GPC6: variants seen among roughly 807,000 people sequenced by gnomAD.
GPC6 encodes the protein glypican-6.
GPC6 carries 14 observed loss-of-function variants against 55.2 expected under a neutral mutation model. The observed-to-expected ratio is 0.25, with a 90% CI of 0.17 to 0.40. GPC6 has a LOEUF of 0.40. Ranked by LOEUF, GPC6 falls within the 10% of genes least tolerant of loss-of-function variation. The pLI is 1.00. For synonymous variants in GPC6, 278 were observed against 259.6 expected, an observed-to-expected ratio of 1.07 and a Z score of -0.68; for missense variants, 641 against 708.5, an observed-to-expected ratio of 0.90 and a Z score of 1.08.
Position 94,403,541 on chromosome 13 carries a change from G to T in GPC6, c.*324G>T, listed in dbSNP as rs201560762. 9.4e-5 allele frequency: 24 copies of T among 256,542 alleles called. No individual in the cohort carries two copies. The highest frequency in any genetic ancestry group is 6.9e-4 in the East Asian group (7 of 10,082). The allele number at this position is 256,542 out of a possible 1,614,324, so 15.9% of individuals were successfully genotyped here. On this transcript the variant is annotated 3_prime_UTR_variant, in exon 9 of 9. Transcript: ENST00000377047. ...AGTAAAGGAATCTCACGTTGTGAGGGTTTTTTTTTTCTCATTTAAAATAAA... is the reference window on the plus strand; with the variant it reads ...AGTAAAGGAATCTCACGTTGTGAGGTTTTTTTTTTTCTCATTTAAAATAAA...
chr13:94,310,102 T>G (rs1263312022), intron 6 of GPC6, among the ~76,000 whole-genome samples: 1 of 152,166 alleles, frequency 6.6e-6, no homozygotes, highest in African/African-American at 2.4e-5. Context: ...GTATTTCAAA[T>G]TAGCCTCTGT....
intron 1 of GPC6, among the ~76,000 whole-genome samples, chr13:93,291,121 ATG>A (rs1364096452): frequency 6.6e-6 from 1 of 152,172 alleles, no homozygotes; most frequent in Non-Finnish European, 1.5e-5. Context: ...TATGGCATTG[ATG>A]TAGGTTGAAG....
At chr13:93,852,293 G>C (rs1033844044) in intron 3 of GPC6, among the ~76,000 whole-genome samples, 1 of 151,546 alleles carries the variant, frequency 6.6e-6, no homozygotes, top group African/African-American at 2.4e-5. Context: ...TTTTGGAAAC[G>C]CATACTTTGT....
chr13:93,765,680 T>C (rs910043448), intron 2 of GPC6, among the ~76,000 whole-genome samples: 1 of 152,186 alleles, frequency 6.6e-6, no homozygotes, highest in Admixed American at 6.5e-5. Flanking sequence ...GTAAATTACA[T>C]AGCACCCTAA....
chr13:93,228,554 G>A (rs143469587), intron 1 of GPC6, among the ~76,000 whole-genome samples: 2 of 152,176 alleles, frequency 1.3e-5, no homozygotes, highest in Non-Finnish European at 2.9e-5. Context: ...GGCAGTCTGG[G>A]TGCTTGTTTT....
chr13:94,393,163 C>T (rs1394880784), intron 7 of GPC6, among the ~76,000 whole-genome samples: 1 of 152,188 alleles, frequency 6.6e-6, no homozygotes, highest in Non-Finnish European at 1.5e-5. Context: ...ACCCTTGAAA[C>T]CACATGTGTT....
intron 3 of GPC6, among the ~76,000 whole-genome samples, chr13:93,916,620 T>C (rs1257774200): frequency 2.0e-5 from 3 of 152,158 alleles, no homozygotes; most frequent in African/African-American, 7.2e-5. Flanking sequence ...ACTTCCACTA[T>C]GAAAGCAGAT....
chr13:94,253,096 A>C (rs1891407663), intron 4 of GPC6, among the ~76,000 whole-genome samples: 2 of 152,134 alleles, frequency 1.3e-5, no homozygotes, highest in Admixed American at 6.6e-5. Flanking sequence ...CCTCCTGTGA[A>C]TCTCCAGAGG....
chr13:93,326,733 C>CT (rs1879670960), intron 1 of GPC6, among the ~76,000 whole-genome samples: 1 of 152,148 alleles, frequency 6.6e-6, no homozygotes. Context: ...CCAAACCATA[C>CT]TTTATTTTCA....
At chr13:93,399,414 T>C (rs1875985844) in intron 1 of GPC6, among the ~76,000 whole-genome samples, 1 of 152,238 alleles carries the variant, frequency 6.6e-6, no homozygotes. Flanking sequence ...GCCTAGCATA[T>C]GGCAAGTACT....
intron 3 of GPC6, among the ~76,000 whole-genome samples, chr13:93,978,692 G>C (rs542541155): frequency 9.1e-4 from 138 of 151,824 alleles, no homozygotes; most frequent in South Asian, 2.5e-3. Flanking sequence ...CATGATTCTA[G>C]TCTACAAGGT....
intron 2 of GPC6, among the ~76,000 whole-genome samples, chr13:93,588,367 A>AGTGTGTGT (rs71123497): frequency 1.1e-3 from 170 of 150,496 alleles, no homozygotes; most frequent in African/African-American, 3.8e-3. Context: ...GTGGCTATTA[A>AGTGTGTGT]GTGTGTGTGT....
At chr13:93,282,004 C>T (rs1877967762) in intron 1 of GPC6, among the ~76,000 whole-genome samples, 1 of 152,170 alleles carries the variant, frequency 6.6e-6, no homozygotes, top group East Asian at 1.9e-4. Flanking sequence ...AATTTAGCCT[C>T]TCATTTTCAT....
intron 3 of GPC6, among the ~76,000 whole-genome samples, chr13:93,832,378 A>G (rs917688944): frequency 2.0e-5 from 3 of 151,872 alleles, no homozygotes; most frequent in African/African-American, 7.3e-5. Flanking sequence ...AAACTCAATA[A>G]TAGGATTAGT....
intron 4 of GPC6, among the ~76,000 whole-genome samples, chr13:94,264,162 C>T (rs1277111930): frequency 1.3e-5 from 2 of 152,328 alleles, no homozygotes; most frequent in African/African-American, 4.8e-5. Context: ...TCCCTCTCTA[C>T]CCCCTTGTTG....
At chr13:93,306,663 T>C (rs545196155) in intron 1 of GPC6, among the ~76,000 whole-genome samples, 7 of 152,132 alleles carry the variant, frequency 4.6e-5, no homozygotes, top group Non-Finnish European at 8.8e-5. Flanking sequence ...TGAAATTATC[T>C]GATATTTCAA....
At chr13:94,019,844 T>C (rs1028476266) in intron 3 of GPC6, among the ~76,000 whole-genome samples, 1 of 152,206 alleles carries the variant, frequency 6.6e-6, no homozygotes, top group Non-Finnish European at 1.5e-5. Flanking sequence ...CATCTTTATC[T>C]CTGTAAGATT....
chr13:93,584,555 A>G (rs148414874), intron 2 of GPC6, among the ~76,000 whole-genome samples: 2 of 152,294 alleles, frequency 1.3e-5, no homozygotes, highest in Non-Finnish European at 2.9e-5. Flanking sequence ...TTTTATAGAT[A>G]TAGCCCACAT....
intron 1 of GPC6, among the ~76,000 whole-genome samples, chr13:93,251,829 C>G (rs934900345): frequency 6.6e-6 from 1 of 152,154 alleles, no homozygotes; most frequent in African/African-American, 2.4e-5. Flanking sequence ...GAGAGAAGCT[C>G]TAATAGAACT....
Sources: gnomAD v4.1 joint callset for allele counts (sites outside exome capture counted in the v4.1 genomes callset) on GRCh38, gnomAD v4.1.1 for gene constraint, MANE v1.5 for transcripts, NCBI Gene and HGNC (gene_info 2026-07-23, HGNC 2026-07-21) for gene names.